PLEKHM2: variants seen among roughly 807,000 people sequenced by gnomAD.
PLEKHM2 encodes the protein pleckstrin homology domain-containing family M member 2.
PLEKHM2 carries 77 observed loss-of-function variants against 116.3 expected under a neutral mutation model. The ratio of observed to expected loss-of-function variants is 0.66; its 90% CI spans 0.55 to 0.80. The LOEUF is 0.80. Ranked by LOEUF, PLEKHM2 falls within the 30% of genes least tolerant of loss-of-function variation. The pLI is 0.00. For missense variants in PLEKHM2, 1,183 were observed against 1,354.9 expected (o/e 0.87, Z 1.99); for synonymous variants, 562 against 571.0 (o/e 0.98, Z 0.22).
intron 1 of PLEKHM2, among the ~76,000 whole-genome samples, chr1:15,688,649 C>CAAA (rs36016839): frequency 1.1e-5 from 1 of 88,820 alleles, no homozygotes; most frequent in African/African-American, 3.8e-5. Flanking sequence ...GACTCTGTCT[C>CAAA]AAAAAAAAAA....
Position 15,734,292 on chromosome 1 carries a change from A to C in PLEKHM2, c.*358A>C. ...CCATCTAAGGACGAACAAAAGAACC[A>C]GGAGGGCGGGACCCCCCTCTTCCTC... On this transcript the variant is annotated 3_prime_UTR_variant, in exon 20 of 20. Coordinates refer to ENST00000375799, the MANE Select transcript of PLEKHM2 (RefSeq NM_015164.4). 4.6e-6 allele frequency: 1 copy of C among 217,850 alleles called. No homozygotes were observed. Among genetic ancestry groups the C allele is most frequent in the Non-Finnish European group, 9.0e-6 (1 of 110,726 alleles). 13.5% of individuals were successfully genotyped at this position (217,850 alleles called of 1,614,324 possible). A position where few individuals can be genotyped will look rare whatever the true frequency, so the allele number is the denominator to read the frequency against.
chr1:15,725,764 G>A (rs988714921), intron 8 of PLEKHM2: 11 of 577,470 alleles, frequency 1.9e-5, no homozygotes, highest in East Asian at 5.7e-5. Context: ...GCAGACAGGC[G>A]GCTTCCACAA....
At chr1:15,698,414 T>C (rs1641041863) in intron 1 of PLEKHM2, among the ~76,000 whole-genome samples, 1 of 152,006 alleles carries the variant, frequency 6.6e-6, no homozygotes, top group African/African-American at 2.4e-5. Flanking sequence ...TATGTTGCCC[T>C]GGCTGGTCTT....
intron 17 of PLEKHM2, 142 bp downstream of exon 17, chr1:15,732,190 A>T (rs1284198255): frequency 2.1e-6 from 2 of 936,278 alleles, no homozygotes; most frequent in Non-Finnish European, 3.2e-6. Context: ...TGGACCCTGG[A>T]GCTCAGAGGC....
In PLEKHM2 at chr1:15,727,542, G is replaced by A. The variant is rs371661618; in HGVS notation, c.1470G>A (p.Pro490=). The change falls in exon 9 of 20, where the codon CCG becomes CCA. Residue 490 remains proline, a synonymous_variant. Transcript: ENST00000375799. The surrounding 1 kb of genome is among the most constrained non-coding windows in gnomAD (Gnocchi z 7.5). The part of the protein sequence containing the change: ...GHHDPAGLGQ[P]LHVPSSPEAA... ...ATGACCCTGCAGGGCTTGGCCAACCGCTGCATGTTCCTAGTAGCCCTGAGG... is the reference window on the plus strand; with the variant it reads ...ATGACCCTGCAGGGCTTGGCCAACCACTGCATGTTCCTAGTAGCCCTGAGG... The A allele has an allele frequency of 1.6e-5, 25 of 1,576,888 alleles. No individual in the cohort carries two copies. In the African/African-American group the frequency reaches 1.8e-4, roughly 11 times the overall value.
chr1:15,732,126 T>G, intron 17 of PLEKHM2, 78 bp downstream of exon 17: 3 of 1,381,084 alleles, frequency 2.2e-6, no homozygotes, highest in Non-Finnish European at 3.0e-6. Context: ...CCTAAACCCA[T>G]AGTCACAGAG....
Position 15,716,797 on chromosome 1 carries a change from G to A in PLEKHM2, c.258G>A (p.Val86=), listed in dbSNP as rs2148357794. 6.4e-7 allele frequency: 1 copy of A among 1,567,572 alleles called. No homozygotes were observed. Among genetic ancestry groups the A allele is most frequent in the Non-Finnish European group, 8.6e-7 (1 of 1,156,098 alleles). The change falls in exon 3 of 20, where the codon GTG becomes GTA. Residue 86 remains valine (V), a synonymous_variant. Transcript: ENST00000375799. ...AIKQIEVLQH[V]ATNLGRSRAW... ...AGCAGATCGAGGTGCTGCAGCACGT[G>A]GCCACCAACCTGGGGCGCAGTGAGT...
intron 1 of PLEKHM2, among the ~76,000 whole-genome samples, chr1:15,698,685 T>G (rs536692785): frequency 1.3e-3 from 203 of 151,670 alleles, no homozygotes; most frequent in African/African-American, 4.7e-3. Flanking sequence ...GTAGCTGGGA[T>G]TACAGGTGCG....
In PLEKHM2 at chr1:15,730,648, A is replaced by C. The variant is rs1436083072; in HGVS notation, c.2325A>C (p.Glu775Asp). Residue 775 changes from glutamate to aspartate, a missense_variant, in exon 15 of 20, where the codon GAA (glutamate) becomes GAC (aspartate). Glu to Asp is a conservative substitution (Grantham distance 45, BLOSUM62 2). This residue lies in a region of PLEKHM2 where 594 missense variants were observed against 720.1 expected (regional missense o/e 0.82). Transcript: ENST00000375799. The stretch of plus-strand genomic sequence containing the variant: ...CCCCCGAGGGCACCATCACCAAAGA[A>C]GGCATGCTGCACTACAAGGCGGGCA... Reference protein sequence around the residue: ...CSPPEGTITKEGMLHYKAGTS... With the variant: ...CSPPEGTITKDGMLHYKAGTS... 6.2e-7 allele frequency: 1 copy of C among 1,610,288 alleles called. No homozygotes were observed. Among genetic ancestry groups the C allele is most frequent in the Admixed American group, 1.7e-5 (1 of 59,546 alleles).
intron 1 of PLEKHM2, among the ~76,000 whole-genome samples, chr1:15,694,621 G>A (rs1037532129): frequency 6.6e-6 from 1 of 152,114 alleles, no homozygotes; most frequent in Non-Finnish European, 1.5e-5. Flanking sequence ...CTTTCCGCGG[G>A]AGATTAAAGT....
intron 1 of PLEKHM2, among the ~76,000 whole-genome samples, chr1:15,697,004 T>A (rs558864177): frequency 2.5e-4 from 38 of 152,238 alleles, no homozygotes; most frequent in African/African-American, 8.7e-4. Context: ...GAGTGAGCAT[T>A]TCCCTTGGCC....
At chr1:15,731,803 C>T (rs560434936) in intron 16 of PLEKHM2, 86 bp from the exon 17 acceptor site, 40 of 1,191,670 alleles carry the variant, frequency 3.4e-5, no homozygotes, top group Non-Finnish European at 4.4e-5. Flanking sequence ...GACCCTGTGC[C>T]GCACACCCCG....
At chr1:15,702,760 G>T (rs779820811) in intron 1 of PLEKHM2, among the ~76,000 whole-genome samples, 1 of 117,066 alleles carries the variant, frequency 8.5e-6, no homozygotes, top group Non-Finnish European at 1.6e-5. Flanking sequence ...TCACTCTGTT[G>T]CCCAGGCTGG....
intron 6 of PLEKHM2, chr1:15,720,574 GC>G: frequency 1.5e-6 from 1 of 672,362 alleles, no homozygotes; most frequent in Non-Finnish European, 1.8e-6. Context: ...GATAAAACTG[GC>G]CATTTTCCCC....
rs560643171 is a variant in PLEKHM2, at chr1:15,721,677, G to A, written c.712+289G>A. ...CAGGGTCACCCTTCCTGATTCCAGT[G>A]CCAGCTGATGCTCTCGGGGTGTGTA... On this transcript the variant is annotated intron_variant, in intron 7 of 19. Coordinates refer to ENST00000375799, the MANE Select transcript of PLEKHM2 (RefSeq NM_015164.4). This position sits in a 1 kb window ranked among gnomAD's most constrained non-coding sequence, Gnocchi z 5.1. 3.9e-4 allele frequency among the ~76,000 whole-genome samples: 59 copies of A among 152,210 alleles called. No homozygotes were observed. The highest frequency in any genetic ancestry group is 1.4e-3 in the African/African-American group (58 of 41,522).
In PLEKHM2 at chr1:15,728,338, T is replaced by G; in HGVS notation, c.1902T>G (p.Tyr634Ter). 1 of 1,613,012 alleles carries G rather than the reference T, an allele frequency of 6.2e-7. No homozygotes were observed. Among genetic ancestry groups the G allele is most frequent in the Non-Finnish European group, 8.5e-7 (1 of 1,179,784 alleles). The change falls in exon 11 of 20, where the codon TAT becomes TAG. Residue 634 changes from tyrosine (Y) to a stop codon, truncating the protein, a stop_gained. Coordinates refer to ENST00000375799, the MANE Select transcript of PLEKHM2 (RefSeq NM_015164.4). LOFTEE classifies it high-confidence loss of function. The surrounding 1 kb of genome is among the most constrained non-coding windows in gnomAD (Gnocchi z 5.9). ...TGTACGTGCTGCTCACAGACTGCTA[T>G]GTCTACCTGCTCCGGAAAGGTGCCC... ...QLLYVLLTDC[Y>*]VYLLRKGATE...
chr1:15,707,212 A>T (rs1641243577), intron 1 of PLEKHM2, among the ~76,000 whole-genome samples: 1 of 151,758 alleles, frequency 6.6e-6, no homozygotes, highest in Non-Finnish European at 1.5e-5. Context: ...ACTTGAGCTC[A>T]GGAGTTTAAG....
intron 1 of PLEKHM2, among the ~76,000 whole-genome samples, chr1:15,694,824 T>C (rs6656222): frequency 0.37 from 55,753 of 151,486 alleles, 13,357 homozygotes; most frequent in African/African-American, 0.68. Flanking sequence ...GTGGTGTGAT[T>C]TCTGCTCACT....
intron 1 of PLEKHM2, among the ~76,000 whole-genome samples, chr1:15,694,116 G>C (rs1310358727): frequency 6.6e-6 from 1 of 152,116 alleles, no homozygotes; most frequent in Non-Finnish European, 1.5e-5. Context: ...CACTTTGGGA[G>C]ACCCAGGCGG....
Sources: allele counts gnomAD v4.1 joint callset (sites outside exome capture counted in the v4.1 genomes callset), GRCh38; gene constraint gnomAD v4.1.1; regional missense constraint gnomAD v4.1.1; non-coding constraint Gnocchi (gnomAD v3.1); transcripts MANE v1.5; gene names NCBI Gene and HGNC (gene_info 2026-07-23, HGNC 2026-07-21).